Variants in ASAP3 observed in about 807,000 individuals in gnomAD.
ASAP3 encodes arf-GAP with SH3 domain, ANK repeat and PH domain-containing protein 3.
A neutral mutation model predicts 118.2 loss-of-function variants in ASAP3; 85 were observed. That is an observed-to-expected ratio of 0.72 (90% confidence interval 0.60 to 0.86). ASAP3 has a LOEUF of 0.86. Among genes scored for constraint, ASAP3 ranks in the 40% least tolerant of loss-of-function variants. ASAP3 has a pLI of 0.00. For synonymous variants in ASAP3, 432 were observed against 477.4 expected (o/e 0.90, Z 1.24); for missense variants, 1,026 against 1,175.0 (o/e 0.87, Z 1.85).
At chr1:23,461,050 T>A (rs1012606121) in intron 1 of ASAP3, among the ~76,000 whole-genome samples, 1 of 152,002 alleles carries the variant, frequency 6.6e-6, no homozygotes, top group African/African-American at 2.4e-5. Context: ...TGGCCAGGGA[T>A]GGGGGTAGTG....
Position 23,442,543 on chromosome 1 carries a change from G to A in ASAP3, c.543C>T (p.Asp181=), listed in dbSNP as rs1233958305. ...TGGIPGEVAQ[D]MQRERRIFQL... ...GGAAGATGCGCCGCTCTCTCTGCAT[G>A]TCCTGGGCCACCTCCCCAGGGATCC... The change falls in exon 6 of 25, where the codon GAC becomes GAT. Residue 181 remains aspartate, a synonymous_variant. Coordinates refer to ENST00000336689, the MANE Select transcript of ASAP3 (RefSeq NM_017707.4). 1.9e-6 allele frequency: 3 copies of A among 1,613,960 alleles called. No individual in the cohort carries two copies. The African/African-American group carries it at 4.0e-5, about 22-fold the overall frequency.
rs1289660525 is a variant in ASAP3 at position 23,436,896 on chromosome 1, C to T, written c.1476+15G>A. The T allele has an allele frequency of 6.2e-6, 10 of 1,607,038 alleles. No homozygotes were observed. The East Asian group carries it at 1.1e-4, about 18-fold the overall frequency. On this transcript the variant is annotated intron_variant, in intron 15 of 24. Coordinates refer to ENST00000336689, the MANE Select transcript of ASAP3 (RefSeq NM_017707.4). The surrounding 1 kb of genome is among the most constrained non-coding windows in gnomAD (Gnocchi z 4.2). ...CTCCGCTTCTGGCCCCTTCCAGGCC[C>T]CGCCCCGCCCTCACCAACAACTCGG...
At chr1:23,453,900 T>A (rs1027197612) in intron 3 of ASAP3, among the ~76,000 whole-genome samples, 1 of 152,212 alleles carries the variant, frequency 6.6e-6, no homozygotes, top group Non-Finnish European at 1.5e-5. Flanking sequence ...GACACTTTCC[T>A]GTGTCACCAA....
At chr1:23,441,263 C>T (rs1300728092) in intron 9 of ASAP3, 52 bp from the exon 10 acceptor site, 2 of 1,608,946 alleles carry the variant, frequency 1.2e-6, no homozygotes, top group African/African-American at 1.3e-5. Context: ...TGGGAAGAGC[C>T]CCATTCTGCG....
intron 1 of ASAP3, among the ~76,000 whole-genome samples, chr1:23,468,870 CAAAAAA>C (rs1172330542): frequency 2.1e-5 from 1 of 47,356 alleles, no homozygotes; most frequent in African/African-American, 9.4e-5. Flanking sequence ...GACTCCATCT[CAAAAAA>C]AAAAAAAAAA....
At chr1:23,477,376 C>CAAAAAA (rs11367585) in intron 1 of ASAP3, among the ~76,000 whole-genome samples, 5 of 64,684 alleles carry the variant, frequency 7.7e-5, no homozygotes, top group East Asian at 4.8e-4. Flanking sequence ...GACTCCATCT[C>CAAAAAA]AAAAAAAAAA....
At chr1:23,462,461 C>A (rs1186593422) in intron 1 of ASAP3, among the ~76,000 whole-genome samples, 1 of 152,076 alleles carries the variant, frequency 6.6e-6, no homozygotes, top group African/African-American at 2.4e-5. Context: ...TGAGTGCCCA[C>A]TACACCCTGT....
chr1:23,430,346 C>T (rs1186703130), intron 24 of ASAP3, among the ~76,000 whole-genome samples: 1 of 152,208 alleles, frequency 6.6e-6, no homozygotes, highest in African/African-American at 2.4e-5. Flanking sequence ...GAACAAGGGA[C>T]AGAAGAGGCT....
chr1:23,447,509 T>C (rs1255677050), intron 5 of ASAP3, among the ~76,000 whole-genome samples: 1 of 152,160 alleles, frequency 6.6e-6, no homozygotes, highest in East Asian at 1.9e-4. Flanking sequence ...AAGCATCCAC[T>C]GGGGGTCTCG....
At chr1:23,434,512 G>A (rs1348273559) in intron 18 of ASAP3, 21 bp downstream of exon 18, 1 of 1,613,638 alleles carries the variant, frequency 6.2e-7, no homozygotes, top group African/African-American at 1.3e-5. Flanking sequence ...GAGCCAGACA[G>A]ACAGGCAGGG....
chr1:23,432,004 ATTTTTTT>A, intron 22 of ASAP3, 86 bp from the exon 23 acceptor site: 1 of 622,644 alleles, frequency 1.6e-6, no homozygotes, highest in Non-Finnish European at 2.3e-6. Flanking sequence ...GGCCTCTAGG[ATTTTTTT>A]TTTTTTTTTT....
At chr1:23,440,950 T>A in intron 10 of ASAP3, 152 bp downstream of exon 10, 2 of 649,234 alleles carry the variant, frequency 3.1e-6, no homozygotes, top group Non-Finnish European at 5.3e-6. Context: ...CATGCCCAGG[T>A]GTCCTGGACA....
At chr1:23,452,803 C>T in intron 3 of ASAP3, 32 bp from the exon 4 acceptor site, 1 of 1,608,104 alleles carries the variant, frequency 6.2e-7, no homozygotes, top group Non-Finnish European at 8.5e-7. Context: ...ATTCCCGCCT[C>T]AGGTGACCGG....
chr1:23,457,693 A>C (rs1425509824), intron 1 of ASAP3, among the ~76,000 whole-genome samples: 1 of 152,076 alleles, frequency 6.6e-6, no homozygotes, highest in Non-Finnish European at 1.5e-5. Flanking sequence ...TTGTATTTTT[A>C]GTAGAGACGG....
At chr1:23,459,282 C>T (rs1283959623) in intron 1 of ASAP3, among the ~76,000 whole-genome samples, 2 of 151,790 alleles carry the variant, frequency 1.3e-5, no homozygotes, top group African/African-American at 4.8e-5. Context: ...AAATGTTTAC[C>T]TAAATGAATG....
rs1157834484 is a variant in ASAP3 at position 23,433,618 on chromosome 1, G to A, written c.2019+8C>T. On this transcript the variant is annotated splice_region_variant and intron_variant, in intron 20 of 24. Transcript: ENST00000336689. ...AGTCAGGGGCCCCTTGCCTCCCCGAGTCCTCACCAGCTCCTCACACTCCTT... is the reference window on the plus strand; with the variant it reads ...AGTCAGGGGCCCCTTGCCTCCCCGAATCCTCACCAGCTCCTCACACTCCTT... The A allele has an allele frequency of 1.2e-6, 2 of 1,614,246 alleles. No homozygotes were observed. Among genetic ancestry groups the A allele is most frequent in the Admixed American group, 3.3e-5 (2 of 60,030 alleles).
In ASAP3 at chr1:23,478,202, C is replaced by G. The variant is rs544571776; in HGVS notation, c.129+5803G>C. On this transcript the variant is annotated intron_variant, in intron 1 of 24. Coordinates refer to ENST00000336689, the MANE Select transcript of ASAP3 (RefSeq NM_017707.4). ...TTAAACTGCTGGGCACAGTGGCTCA[C>G]GCCTGTAATCCCAGCACTTTGGGAA... Among the ~76,000 whole-genome samples the G allele has an allele frequency of 1.6e-3, 237 of 152,354 alleles. 1 individual carries two copies. Among genetic ancestry groups the G allele is most frequent in the African/African-American group, 4.9e-3 (204 of 41,582 alleles).
chr1:23,457,591 A>G (rs1641429600), intron 1 of ASAP3, among the ~76,000 whole-genome samples: 1 of 152,160 alleles, frequency 6.6e-6, no homozygotes, highest in African/African-American at 2.4e-5. Flanking sequence ...ATCTTGGCTC[A>G]CTGCAACCTC....
intron 1 of ASAP3, among the ~76,000 whole-genome samples, chr1:23,457,869 C>T (rs1247514736): frequency 6.6e-6 from 1 of 152,182 alleles, no homozygotes; most frequent in African/African-American, 2.4e-5. Flanking sequence ...ATGGGGAAAT[C>T]GATGCCTACC....
Sources: gnomAD v4.1 joint callset for allele counts (sites outside exome capture counted in the v4.1 genomes callset) on GRCh38, gnomAD v4.1.1 for gene constraint, Gnocchi (gnomAD v3.1) non-coding constraint, MANE v1.5 for transcripts, NCBI Gene and HGNC (gene_info 2026-07-23, HGNC 2026-07-21) for gene names.